The following LRP1B variants were observed in gnomAD, a reference collection of about 807,000 sequenced individuals.
LRP1B encodes low-density lipoprotein receptor-related protein 1B.
Under a neutral mutation model 556.6 loss-of-function variants are expected in LRP1B, and 217 were observed. The ratio of observed to expected loss-of-function variants is 0.39; its 90% confidence interval spans 0.35 to 0.44. The LOEUF (loss-of-function observed/expected upper bound fraction) is 0.44. Ranked by LOEUF, LRP1B falls within the 20% of genes least tolerant of loss-of-function variation. The pLI is 1.00. For missense variants in LRP1B, 5,053 were observed against 5,620.8 expected, an observed-to-expected ratio of 0.90 and a Z score of 3.23; for synonymous variants, 2,047 against 1,865.8, an observed-to-expected ratio of 1.10 and a Z score of -2.50.
chr2:141,264,600 G>A (rs1313950239), intron 3 of LRP1B, among the ~76,000 whole-genome samples: 1 of 151,940 alleles, frequency 6.6e-6, no homozygotes, highest in African/African-American at 2.4e-5. Context: ...GACCACAAGT[G>A]CCCGCCATCA....
At chr2:141,453,738 C>A (rs1255546885) in intron 3 of LRP1B, among the ~76,000 whole-genome samples, 3 of 151,862 alleles carry the variant, frequency 2.0e-5, no homozygotes, top group African/African-American at 4.8e-5. Flanking sequence ...GCCAAAATGA[C>A]AAAACCCTGT....
chr2:140,301,871 G>T (rs1462662646), intron 83 of LRP1B, among the ~76,000 whole-genome samples: 1 of 151,632 alleles, frequency 6.6e-6, no homozygotes, highest in East Asian at 1.9e-4. Flanking sequence ...ATATGCAATA[G>T]TGTGCATGTA....
At chr2:141,970,014 A>G (rs1176948685) in intron 1 of LRP1B, among the ~76,000 whole-genome samples, 1 of 151,214 alleles carries the variant, frequency 6.6e-6, no homozygotes, top group African/African-American at 2.4e-5. Context: ...TTTAATTTCC[A>G]TTTTCCTAAG....
At chr2:141,822,533 A>AT (rs1444153780) in intron 1 of LRP1B, among the ~76,000 whole-genome samples, 5 of 151,944 alleles carry the variant, frequency 3.3e-5, no homozygotes, top group South Asian at 4.1e-4. Flanking sequence ...AAATTCACAT[A>AT]TTTTTTTCTC....
chr2:141,472,401 G>T (rs1007058053), intron 3 of LRP1B, among the ~76,000 whole-genome samples: 1 of 152,048 alleles, frequency 6.6e-6, no homozygotes, highest in African/African-American at 2.4e-5. Context: ...TTAGCCAAAC[G>T]TGGTACTGGA....
At chr2:141,255,255 CACAA>C (rs1256723102) in intron 3 of LRP1B, among the ~76,000 whole-genome samples, 10 of 151,864 alleles carry the variant, frequency 6.6e-5, no homozygotes, top group South Asian at 2.1e-4. Context: ...ACATTTATTG[CACAA>C]ACAATCGCTA....
At chr2:140,608,100 AAAC>A (rs1682936559) in intron 41 of LRP1B, among the ~76,000 whole-genome samples, 1 of 152,128 alleles carries the variant, frequency 6.6e-6, no homozygotes, top group South Asian at 2.1e-4. Context: ...CTGAAAATTA[AAAC>A]AAGAAGCAAT....
intron 60 of LRP1B, among the ~76,000 whole-genome samples, chr2:140,463,805 T>A (rs912341049): frequency 6.6e-6 from 1 of 152,200 alleles, no homozygotes; most frequent in Non-Finnish European, 1.5e-5. Flanking sequence ...AAGAGTGATA[T>A]TGATCAAATG....
At chr2:141,153,263 TATA>T (rs1426973269) in intron 7 of LRP1B, among the ~76,000 whole-genome samples, 8 of 130,210 alleles carry the variant, frequency 6.1e-5, no homozygotes, top group Non-Finnish European at 7.9e-5. Context: ...TATATATATT[TATA>T]ATAATATATA....
At chr2:142,024,838 A>G (rs1215621474) in intron 1 of LRP1B, among the ~76,000 whole-genome samples, 1 of 152,034 alleles carries the variant, frequency 6.6e-6, no homozygotes, top group African/African-American at 2.4e-5. Context: ...CTGGCTCCTG[A>G]ATACACATTT....
chr2:140,270,138 A>ACACT lies in LRP1B; in HGVS notation c.13247+100_13247+103dup, dbSNP rs1245953786. 2.8e-5 allele frequency: 22 copies of ACACT among 772,070 alleles called. No individual in the cohort carries two copies. In the East Asian group the frequency reaches 5.7e-4, roughly 20 times the overall value. The allele number at this position is 772,070 out of a possible 1,614,324, so 47.8% of individuals were successfully genotyped here. A position where few individuals can be genotyped will look rare whatever the true frequency, so the allele number is the denominator to read the frequency against. On this transcript the variant is annotated intron_variant, in intron 86 of 90. Coordinates refer to ENST00000389484, the MANE Select transcript of LRP1B (RefSeq NM_018557.3). ...ATACTTGATCAGAGATGTCCATGAA[A>ACACT]CACTCATTTAAAATTACCCCAGAAA...
intron 57 of LRP1B, among the ~76,000 whole-genome samples, chr2:140,491,000 A>C (rs1024239423): frequency 6.6e-6 from 1 of 152,172 alleles, no homozygotes; most frequent in African/African-American, 2.4e-5. Flanking sequence ...GAACTATCTT[A>C]AAATGTTTTT....
intron 2 of LRP1B, among the ~76,000 whole-genome samples, chr2:141,537,607 A>G (rs998605663): frequency 4.6e-5 from 7 of 152,136 alleles, no homozygotes; most frequent in East Asian, 1.9e-4. Flanking sequence ...TATTTCCTCA[A>G]TTGTAAAGTA....
chr2:141,623,730 A>G (rs1302069096), intron 2 of LRP1B, among the ~76,000 whole-genome samples: 1 of 64,056 alleles, frequency 1.6e-5, no homozygotes, highest in Non-Finnish European at 4.1e-5. Flanking sequence ...CAGAAAAAAG[A>G]TTAGGGCCAA....
chr2:140,823,240 G>C (rs1216114513), intron 31 of LRP1B, among the ~76,000 whole-genome samples: 2 of 152,098 alleles, frequency 1.3e-5, no homozygotes, highest in African/African-American at 4.8e-5. Flanking sequence ...AAAATAAAAT[G>C]TATAATCTGA....
intron 7 of LRP1B, among the ~76,000 whole-genome samples, chr2:141,145,922 C>CTTTTTTTTTTTTTTTTT (rs70991144): frequency 1.8e-4 from 12 of 67,204 alleles, no homozygotes; most frequent in East Asian, 4.4e-4. Context: ...TTCTTTCTTT[C>CTTTTTTTTTTTTTTTTT]TTTTTTTTTT....
chr2:141,842,496 A>G (rs970302917), intron 1 of LRP1B, among the ~76,000 whole-genome samples: 5 of 152,130 alleles, frequency 3.3e-5, no homozygotes, highest in Non-Finnish European at 4.4e-5. Context: ...GGGGATAATT[A>G]TAATGCCTGC....
intron 2 of LRP1B, among the ~76,000 whole-genome samples, chr2:141,628,016 A>T (rs553134893): frequency 6.6e-6 from 1 of 152,348 alleles, no homozygotes; most frequent in African/African-American, 2.4e-5. Flanking sequence ...ATGTGGAAAA[A>T]TTTGACATAC....
intron 2 of LRP1B, among the ~76,000 whole-genome samples, chr2:141,645,818 A>AT (rs1689542243): frequency 2.0e-5 from 3 of 152,030 alleles, no homozygotes; most frequent in African/African-American, 7.2e-5. Flanking sequence ...CAAAACATGT[A>AT]TTTTTTGAGA....
Sources: allele counts gnomAD v4.1 joint callset (sites outside exome capture counted in the v4.1 genomes callset), GRCh38; gene constraint gnomAD v4.1.1; transcripts MANE v1.5; gene names NCBI Gene and HGNC (gene_info 2026-07-23, HGNC 2026-07-21).